The following PRDM11 variants were observed in gnomAD, a reference collection of about 807,000 sequenced individuals.
PRDM11 encodes the protein PR domain-containing protein 11.
Under a neutral mutation model 97.8 loss-of-function variants are expected in PRDM11, and 20 were observed. The observed-to-expected ratio is 0.20, with a 90% CI of 0.14 to 0.30. The LOEUF (loss-of-function observed/expected upper bound fraction) is 0.30. Among genes scored for constraint, PRDM11 ranks in the 10% least tolerant of loss-of-function variants. PRDM11 has a pLI of 1.00. For synonymous variants in PRDM11, 599 were observed against 637.7 expected, an observed-to-expected ratio of 0.94 and a Z score of 0.91; for missense variants, 1,139 against 1,555.2, an observed-to-expected ratio of 0.73 and a Z score of 4.50.
chr11:45,143,188 G>A (rs1034361978), upstream of PRDM11, among the ~76,000 whole-genome samples: 4 of 152,182 alleles, frequency 2.6e-5, no homozygotes, highest in Admixed American at 2.6e-4. Context: ...TGTGCTTTCA[G>A]GAAAGGTCAT....
chr11:45,172,980 A>G (rs1163822655), intron 1 of PRDM11, among the ~76,000 whole-genome samples: 1 of 152,198 alleles, frequency 6.6e-6, no homozygotes, highest in East Asian at 1.9e-4. Context: ...ATTTGCAACA[A>G]TGGCTGTGTG....
At chr11:45,106,187 C>A (rs1268789024) in intron 1 of PRDM11, among the ~76,000 whole-genome samples, 5 of 152,294 alleles carry the variant, frequency 3.3e-5, no homozygotes, top group African/African-American at 1.2e-4. Flanking sequence ...TGGCCTCAAG[C>A]CCAGGCTGGC....
At chr11:45,114,759 G>A (rs955420902) in intron 1 of PRDM11, among the ~76,000 whole-genome samples, 5 of 151,980 alleles carry the variant, frequency 3.3e-5, no homozygotes, top group African/African-American at 7.3e-5. Context: ...GAATGAATGA[G>A]TTATCATCAG....
upstream of PRDM11, among the ~76,000 whole-genome samples, chr11:45,094,339 G>A (rs1354302695): frequency 6.6e-6 from 1 of 151,908 alleles, no homozygotes; most frequent in Admixed American, 6.6e-5. Context: ...GAAGGGCCCG[G>A]GACAGATGCG....
At chr11:45,186,136 A>T (rs1852697085) in intron 4 of PRDM11, among the ~76,000 whole-genome samples, 1 of 152,228 alleles carries the variant, frequency 6.6e-6, no homozygotes, top group African/African-American at 2.4e-5. Context: ...AAGGTAATAC[A>T]TGTGTGTTGT....
In PRDM11 at chr11:45,226,361, C is replaced by T. The variant is rs1029102712; in HGVS notation, c.1736C>T (p.Pro579Leu). ...CLQLYKLRMHPEKTEEMCRNM... is the reference protein window; with the variant it reads ...CLQLYKLRMHLEKTEEMCRNM... ...CAACTGTACAAGCTCCGCATGCACC[C>T]GGAGAAGACAGAGGAGATGTGTCGC... The change falls in exon 8 of 8, where the codon CCG becomes CTG. Residue 579 changes from proline (P) to leucine (L), a missense_variant. Coordinates refer to ENST00000683152, the MANE Select transcript of PRDM11 (RefSeq NM_001384648.1). 4.6e-6 allele frequency: 7 copies of T among 1,533,868 alleles called. No individual in the cohort carries two copies. The highest frequency in any genetic ancestry group is 4.1e-5 in the African/African-American group (3 of 72,988).
chr11:45,098,127 G>A (rs1851916063), intron 1 of PRDM11, among the ~76,000 whole-genome samples: 1 of 152,208 alleles, frequency 6.6e-6, no homozygotes, highest in Non-Finnish European at 1.5e-5. Flanking sequence ...ACCCACCCAG[G>A]CCTCAGAGTA....
upstream of PRDM11, chr11:45,095,751 G>A (rs1047338686): frequency 3.4e-5 from 24 of 696,838 alleles, no homozygotes; most frequent in Admixed American, 8.9e-5. Context: ...TATGATGGCC[G>A]CAGATACGAT....
chr11:45,157,761 C>A (rs1384092189), intron 1 of PRDM11, among the ~76,000 whole-genome samples: 1 of 152,174 alleles, frequency 6.6e-6, no homozygotes, highest in African/African-American at 2.4e-5. Flanking sequence ...CATGGGCTGG[C>A]CATGGCAGAA....
chr11:45,184,842 G>T (rs140362311), intron 4 of PRDM11, among the ~76,000 whole-genome samples: 72 of 152,224 alleles, frequency 4.7e-4, no homozygotes, highest in African/African-American at 1.7e-3. Context: ...GGTCAGTGGG[G>T]GTGTGGGTGT....
chr11:45,128,591 A>G (rs1347524344), intron 1 of PRDM11, among the ~76,000 whole-genome samples: 1 of 151,678 alleles, frequency 6.6e-6, no homozygotes, highest in Non-Finnish European at 1.5e-5. Flanking sequence ...TTCTTTGAAA[A>G]CACAACTTAC....
At chr11:45,124,822 A>C (rs1852526466) in intron 1 of PRDM11, among the ~76,000 whole-genome samples, 1 of 152,194 alleles carries the variant, frequency 6.6e-6, no homozygotes, top group African/African-American at 2.4e-5. Flanking sequence ...TGTCTCTGCC[A>C]GGCTTTGGTA....
At chr11:45,185,063 T>G (rs7942214) in intron 4 of PRDM11, among the ~76,000 whole-genome samples, 132,430 of 152,132 alleles carry the variant, frequency 0.87, 58,924 homozygotes, top group Non-Finnish European at 0.97. Flanking sequence ...GGCCACAATG[T>G]CTGTCAGTGC....
At chr11:45,181,139 G>A (rs1852481910) in intron 1 of PRDM11, among the ~76,000 whole-genome samples, 1 of 152,156 alleles carries the variant, frequency 6.6e-6, no homozygotes, top group Non-Finnish European at 1.5e-5. Context: ...CGAGGGAGGG[G>A]CTGAAGCCCG....
chr11:45,232,457 A>G lies in PRDM11; in HGVS notation c.*4298A>G, dbSNP rs1045042823. On this transcript the variant is annotated 3_prime_UTR_variant, in exon 8 of 8. Coordinates refer to ENST00000683152, the MANE Select transcript of PRDM11 (RefSeq NM_001384648.1). ...TCGAATTCATGCTTTTTCTTGGCCC[A>G]TAGGTCCAATTTTGGCAGAAGGCAT... is the stretch of plus-strand genomic sequence containing the variant. The G allele has an allele frequency of 3.9e-5, 6 of 152,190 alleles. No individual in the cohort carries two copies. Among genetic ancestry groups the G allele is most frequent in the South Asian group, 4.1e-4 (2 of 4,826 alleles). 9.4% of individuals were successfully genotyped at this position (152,190 alleles called of 1,614,324 possible).
intron 1 of PRDM11, among the ~76,000 whole-genome samples, chr11:45,122,713 T>A (rs1852466769): frequency 6.6e-6 from 1 of 152,172 alleles, no homozygotes; most frequent in Non-Finnish European, 1.5e-5. Context: ...GGTGTATATG[T>A]GCCACATTTT....
intron 1 of PRDM11, among the ~76,000 whole-genome samples, chr11:45,121,123 T>C (rs1242750286): frequency 6.6e-6 from 1 of 151,900 alleles, no homozygotes; most frequent in Non-Finnish European, 1.5e-5. Context: ...AATAGATGGT[T>C]CAAATAAAAA....
intron 5 of PRDM11, among the ~76,000 whole-genome samples, chr11:45,208,685 G>A (rs913437399): frequency 2.0e-5 from 3 of 152,120 alleles, no homozygotes; most frequent in African/African-American, 4.8e-5. Flanking sequence ...ATGTAACGCC[G>A]TCTCTTCTTT....
intron 1 of PRDM11, among the ~76,000 whole-genome samples, chr11:45,104,052 T>C (rs938836505): frequency 2.0e-5 from 3 of 152,230 alleles, no homozygotes; most frequent in African/African-American, 7.2e-5. Flanking sequence ...CTAGATGATC[T>C]AATTCCGTGC....
Sources: gnomAD v4.1 joint callset for allele counts (sites outside exome capture counted in the v4.1 genomes callset) on GRCh38, gnomAD v4.1.1 for gene constraint, MANE v1.5 for transcripts, NCBI Gene and HGNC (gene_info 2026-07-23, HGNC 2026-07-21) for gene names.